Variants in UNC79 observed in about 807,000 individuals in gnomAD.
UNC79 encodes the protein unc-79 subunit of NALCN channel complex.
UNC79 carries 37 observed loss-of-function variants against 283.1 expected under a neutral mutation model. The observed-to-expected ratio is 0.13, with a 90% CI of 0.10 to 0.17. The LOEUF (loss-of-function observed/expected upper bound fraction) is 0.17, where lower values mean the gene tolerates loss of function less well. Ranked by LOEUF, UNC79 falls within the 10% of genes least tolerant of loss-of-function variation. The pLI is 1.00. For synonymous variants in UNC79, 1,107 were observed against 1,200.2 expected (o/e 0.92, Z 1.61); for missense variants, 2,272 against 3,211.1 (o/e 0.71, Z 7.07).
At chr14:93,569,708 G>A (rs2063108359) in intron 14 of UNC79, among the ~76,000 whole-genome samples, 1 of 152,168 alleles carries the variant, frequency 6.6e-6, no homozygotes, top group Non-Finnish European at 1.5e-5. Context: ...AGAGTCTGCA[G>A]TGTTTACATG....
rs188949425 is a variant in UNC79, at chr14:93,445,469, G to A, written c.22+14418G>A. ...TTCCTGAATTAAACCCTATTTGGTC[G>A]TAATGTATTCTTCTAAAAATATTGT... is the stretch of plus-strand genomic sequence containing the variant. On this transcript the variant is annotated intron_variant, in intron 1 of 48. Transcript: ENST00000555664. Among the ~76,000 whole-genome samples, 108 of 152,220 alleles carry A rather than the reference G, an allele frequency of 7.1e-4. 1 individual carries two copies. In the Middle Eastern group the frequency reaches 0.017, roughly 24 times the overall value.
chr14:93,494,819 AAC>A (rs2058942643), intron 5 of UNC79, among the ~76,000 whole-genome samples: 1 of 152,182 alleles, frequency 6.6e-6, no homozygotes, highest in Non-Finnish European at 1.5e-5. Flanking sequence ...TTAAAGTATA[AAC>A]ACATTGGTTG....
At chr14:93,550,874 G>A (rs148691355) in intron 14 of UNC79, among the ~76,000 whole-genome samples, 55 of 152,158 alleles carry the variant, frequency 3.6e-4, no homozygotes, top group African/African-American at 1.1e-3. Context: ...AGGCTCCTTG[G>A]CTCTCCATGT....
At chr14:93,472,122 T>G (rs1260324694) in intron 2 of UNC79, among the ~76,000 whole-genome samples, 2 of 152,146 alleles carry the variant, frequency 1.3e-5, no homozygotes, top group African/African-American at 4.8e-5. Context: ...TTTGTAATTT[T>G]GAAAAGATGC....
intron 1 of UNC79, among the ~76,000 whole-genome samples, chr14:93,415,488 G>T (rs557621426): frequency 7.3e-5 from 11 of 151,718 alleles, no homozygotes; most frequent in Non-Finnish European, 1.0e-4. Context: ...TCTCTTTTTT[G>T]GTTGTGTCTC....
intron 41 of UNC79, 39 bp from the exon 45 acceptor site, chr14:93,682,578 A>G: frequency 6.5e-7 from 1 of 1,541,536 alleles, no homozygotes; most frequent in Non-Finnish European, 8.9e-7. Context: ...TAATGTCCAG[A>G]TACCCTTAAA....
At chr14:93,543,455 A>G (rs2061464388) in intron 14 of UNC79, among the ~76,000 whole-genome samples, 1 of 148,294 alleles carries the variant, frequency 6.7e-6, no homozygotes, top group South Asian at 2.1e-4. Flanking sequence ...TCATACTCAC[A>G]GCAGCTTTGA....
At chr14:93,383,038 A>G (rs1379617673) in intron 1 of UNC79, among the ~76,000 whole-genome samples, 1 of 152,204 alleles carries the variant, frequency 6.6e-6, no homozygotes, top group Non-Finnish European at 1.5e-5. Context: ...CTAAAGAAAG[A>G]ATATTTAGCT....
At position 93,586,922 on chromosome 14, in the gene UNC79, ATGGTTTGTTT is replaced by A; in HGVS notation, c.3032+17_3032+26del. 6.2e-7 allele frequency: 1 copy of A among 1,611,726 alleles called. No individual in the cohort carries two copies. The highest frequency in any genetic ancestry group is 8.5e-7 in the Non-Finnish European group (1 of 1,179,402). On this transcript the variant is annotated intron_variant, in intron 22 of 48. Coordinates refer to ENST00000555664, the Ensembl canonical transcript of UNC79. ...GTTGATTGCAAGGTACGTCTTCCTA[ATGGTTTGTTT>A]TGATTGTTTATACATTAGGCTTTAG...
At chr14:93,460,717 G>C (rs1452634090) in intron 1 of UNC79, among the ~76,000 whole-genome samples, 1 of 151,774 alleles carries the variant, frequency 6.6e-6, no homozygotes, top group Admixed American at 6.6e-5. Context: ...TTATTCTAAG[G>C]AAATAATTAA....
At chr14:93,483,939 T>C (rs535256115) in intron 4 of UNC79, among the ~76,000 whole-genome samples, 1 of 152,226 alleles carries the variant, frequency 6.6e-6, no homozygotes, top group Non-Finnish European at 1.5e-5. Context: ...CAGTCTATCA[T>C]TGATGGACAT....
chr14:93,441,463 C>G (rs1283983359), intron 1 of UNC79, among the ~76,000 whole-genome samples: 1 of 151,962 alleles, frequency 6.6e-6, no homozygotes, highest in Non-Finnish European at 1.5e-5. Flanking sequence ...TCAGTTCTAT[C>G]ATATTATTTT....
At chr14:93,511,044 A>G (rs1176903463) in intron 7 of UNC79, among the ~76,000 whole-genome samples, 1 of 152,194 alleles carries the variant, frequency 6.6e-6, no homozygotes, top group Non-Finnish European at 1.5e-5. Context: ...GAAACTTACA[A>G]TCATGGCAGA....
intron 38 of UNC79, among the ~76,000 whole-genome samples, chr14:93,656,269 TG>T (rs1274755841): frequency 1.3e-5 from 2 of 152,144 alleles, no homozygotes; most frequent in Admixed American, 1.3e-4. Context: ...TGAGGTTTTT[TG>T]TGCTTTCTCT....
Position 93,531,353 on chromosome 14 carries a change from TTAAA to T in UNC79, c.1094-1191_1094-1188del, listed in dbSNP as rs1407004604. ...TTGGGAGACATTTACCTTTGATCTT[TTAAA>T]TAAATTGTAACATAGACTATAAATA... On this transcript the variant is annotated intron_variant, in intron 10 of 48. Transcript: ENST00000555664. This position sits in a 1 kb window ranked among gnomAD's most constrained non-coding sequence, Gnocchi z 4.2. 1.4e-4 allele frequency among the ~76,000 whole-genome samples: 22 copies of T among 152,258 alleles called. No individual in the cohort carries two copies. The highest frequency in any genetic ancestry group is 1.4e-3 in the Admixed American group (21 of 15,286).
At chr14:93,459,772 G>A in intron 1 of UNC79, among the ~76,000 whole-genome samples, 1 of 108,234 alleles carries the variant, frequency 9.2e-6, no homozygotes, top group Non-Finnish European at 1.9e-5. Flanking sequence ...TTGGGTTCAT[G>A]CCATTCTCCT....
chr14:93,643,432 G>C, intron 33 of UNC79, 125 bp from the exon 37 acceptor site: 3 of 1,322,624 alleles, frequency 2.3e-6, no homozygotes, highest in Non-Finnish European at 3.2e-6. Context: ...TACCAGAGTG[G>C]GGCTCCTGAT....
chr14:93,443,701 G>A (rs2056381708), intron 1 of UNC79, among the ~76,000 whole-genome samples: 1 of 152,172 alleles, frequency 6.6e-6, no homozygotes, highest in South Asian at 2.1e-4. Flanking sequence ...GGGATTACAG[G>A]CATGAGCCAC....
intron 31 of UNC79, chr14:93,634,592 G>A: frequency 6.2e-7 from 1 of 1,614,146 alleles, no homozygotes; most frequent in Non-Finnish European, 8.5e-7. Flanking sequence ...GCGGCAGCTG[G>A]AGCATCAGTC....
Sources: gnomAD v4.1 joint callset for allele counts (sites outside exome capture counted in the v4.1 genomes callset) on GRCh38, gnomAD v4.1.1 for gene constraint, Gnocchi (gnomAD v3.1) non-coding constraint, MANE v1.5 for transcripts, NCBI Gene and HGNC (gene_info 2026-07-23, HGNC 2026-07-21) for gene names.